Variants in PCSK5 observed in about 807,000 individuals in gnomAD.
The protein encoded by PCSK5 is prohormone convertase 5.
In PCSK5, 129 loss-of-function variants were observed where a neutral mutation model predicts 233.2. The ratio of observed to expected loss-of-function variants is 0.55; its 90% CI spans 0.48 to 0.64. PCSK5 has a LOEUF of 0.64. Ranked by LOEUF, PCSK5 falls within the 30% of genes least tolerant of loss-of-function variation. PCSK5 has a pLI of 0.00. For missense variants in PCSK5, 2,076 were observed against 2,430.1 expected (o/e 0.85, Z 3.06); for synonymous variants, 825 against 879.2 (o/e 0.94, Z 1.09).
intron 10 of PCSK5, among the ~76,000 whole-genome samples, chr9:76,156,359 C>G (rs13285921): frequency 0.2 from 31,099 of 152,080 alleles, 3,528 homozygotes; most frequent in Non-Finnish European, 0.24. Flanking sequence ...AGACCTGAAG[C>G]TGGCATAAAA....
chr9:76,228,032 C>T (rs373576827), intron 21 of PCSK5, among the ~76,000 whole-genome samples: 8 of 150,592 alleles, frequency 5.3e-5, no homozygotes, highest in African/African-American at 1.2e-4. Context: ...TGCAGTGGCG[C>T]GATCTCTGCT....
intron 24 of PCSK5, among the ~76,000 whole-genome samples, chr9:76,263,545 A>G (rs1000338286): frequency 6.6e-6 from 1 of 151,564 alleles, no homozygotes; most frequent in Non-Finnish European, 1.5e-5. Context: ...ACCAAACACC[A>G]CATATTCTCA....
intron 4 of PCSK5, among the ~76,000 whole-genome samples, chr9:76,026,697 G>A (rs1178630369): frequency 6.6e-6 from 1 of 152,098 alleles, no homozygotes; most frequent in Non-Finnish European, 1.5e-5. Flanking sequence ...AGGGGAAAAA[G>A]TGCTGGCAAG....
intron 3 of PCSK5, among the ~76,000 whole-genome samples, chr9:76,012,009 C>G (rs1827747754): frequency 6.6e-6 from 1 of 152,154 alleles, no homozygotes; most frequent in Non-Finnish European, 1.5e-5. Flanking sequence ...TAGTATCCAT[C>G]TGCCCAAATT....
At chr9:76,091,223 T>A (rs1475740951) in intron 7 of PCSK5, among the ~76,000 whole-genome samples, 2 of 152,032 alleles carry the variant, frequency 1.3e-5, no homozygotes, top group Non-Finnish European at 2.9e-5. Context: ...ACCACGATGC[T>A]TGTAGAGCTG....
At position 76,181,586 on chromosome 9, in the gene PCSK5, A is replaced by T; in HGVS notation, c.2192A>T (p.Asp731Val). 1 of 1,606,186 alleles carries T rather than the reference A, an allele frequency of 6.2e-7. No homozygotes were observed. Among genetic ancestry groups the T allele is most frequent in the South Asian group, 1.1e-5 (1 of 90,548 alleles). ...CACTGCCCTGATGGGTCATATCAGG[A>T]TACCAGTAAGCTCACTTCAAATACT... ...VTHCPDGSYQ[D>V]TKKNLCRKCS... Residue 731 changes from aspartate to valine, a missense_variant, in exon 16 of 38, where the codon GAT becomes GTT. Transcript: ENST00000674117.
At chr9:76,322,909 A>G in intron 31 of PCSK5, 143 bp from the exon 32 acceptor site, 2 of 617,134 alleles carry the variant, frequency 3.2e-6, no homozygotes, top group Non-Finnish European at 5.8e-6. Context: ...CATCAAGTCT[A>G]TGCCCTGGCA....
intron 5 of PCSK5, among the ~76,000 whole-genome samples, chr9:76,036,793 A>G (rs1432763696): frequency 1.3e-5 from 2 of 152,254 alleles, no homozygotes; most frequent in Non-Finnish European, 2.9e-5. Flanking sequence ...GATTACCTGC[A>G]TAACTAAATT....
chr9:76,086,828 T>C (rs1400108175), intron 7 of PCSK5, among the ~76,000 whole-genome samples: 1 of 152,184 alleles, frequency 6.6e-6, no homozygotes, highest in Non-Finnish European at 1.5e-5. Flanking sequence ...TGTAAAATTA[T>C]ACTGAATGAA....
intron 5 of PCSK5, among the ~76,000 whole-genome samples, chr9:76,056,696 G>T (rs1418267496): frequency 3.3e-5 from 5 of 152,250 alleles, no homozygotes; most frequent in Middle Eastern, 3.4e-3. Flanking sequence ...AGTTAAAATG[G>T]TTTTTTGAGG....
intron 24 of PCSK5, among the ~76,000 whole-genome samples, chr9:76,263,019 A>G (rs1192259185): frequency 6.6e-6 from 1 of 152,184 alleles, no homozygotes; most frequent in Non-Finnish European, 1.5e-5. Flanking sequence ...CAAAAAACAC[A>G]TGAAAAAATG....
intron 2 of PCSK5, among the ~76,000 whole-genome samples, chr9:75,980,759 T>G (rs1826239165): frequency 1.0e-5 from 1 of 97,454 alleles, no homozygotes; most frequent in African/African-American, 3.4e-5. Flanking sequence ...TTTTTTTTTT[T>G]TCTCACCAGT....
intron 10 of PCSK5, among the ~76,000 whole-genome samples, chr9:76,154,127 C>G (rs924236667): frequency 1.3e-5 from 2 of 152,186 alleles, no homozygotes; most frequent in Non-Finnish European, 2.9e-5. Context: ...TAGTGACCTT[C>G]ATTGATCTAC....
intron 2 of PCSK5, among the ~76,000 whole-genome samples, chr9:75,966,813 A>T (rs914255): frequency 0.77 from 117,141 of 152,186 alleles, 45,318 homozygotes; most frequent in Admixed American, 0.81. Context: ...ATACTATGTA[A>T]TGCTTCCTAG....
chr9:75,949,849 A>G (rs1035799959), intron 2 of PCSK5, among the ~76,000 whole-genome samples: 1 of 152,112 alleles, frequency 6.6e-6, no homozygotes, highest in Non-Finnish European at 1.5e-5. Flanking sequence ...GTGGGTGCAT[A>G]ATAGGTGTCT....
At chr9:76,216,069 A>G (rs1005658451) in intron 20 of PCSK5, among the ~76,000 whole-genome samples, 3 of 152,216 alleles carry the variant, frequency 2.0e-5, no homozygotes, top group Non-Finnish European at 4.4e-5. Flanking sequence ...TAGACTTTCT[A>G]GAGCTACAAT....
At chr9:76,077,124 G>A (rs1323703359) in intron 7 of PCSK5, among the ~76,000 whole-genome samples, 1 of 152,082 alleles carries the variant, frequency 6.6e-6, no homozygotes, top group African/African-American at 2.4e-5. Flanking sequence ...TCTGTTACAT[G>A]TTGTCATTTT....
chr9:76,010,324 A>G (rs765873919), intron 3 of PCSK5, among the ~76,000 whole-genome samples: 5 of 152,346 alleles, frequency 3.3e-5, no homozygotes, highest in East Asian at 1.9e-4. Context: ...CCTTGCAGCT[A>G]AAAACATTCC....
intron 9 of PCSK5, 116 bp from the exon 10 acceptor site, chr9:76,133,993 C>T: frequency 1.4e-6 from 1 of 691,666 alleles, no homozygotes; most frequent in Non-Finnish European, 2.5e-6. Context: ...AATCTCTGAC[C>T]CTTTGTTTTT....
Sources: allele counts gnomAD v4.1 joint callset (sites outside exome capture counted in the v4.1 genomes callset), GRCh38; gene constraint gnomAD v4.1.1; transcripts MANE v1.5; gene names NCBI Gene and HGNC (gene_info 2026-07-23, HGNC 2026-07-21).